Variants in KIF18B observed in about 807,000 individuals in gnomAD.
The protein encoded by KIF18B is kinesin-like protein KIF18B.
In KIF18B, 49 loss-of-function variants were observed where a neutral mutation model predicts 80.9. The observed-to-expected ratio is 0.61, with a 90% CI of 0.48 to 0.77. The LOEUF is 0.77. Ranked by LOEUF, KIF18B falls within the 30% of genes least tolerant of loss-of-function variation. The probability of loss-of-function intolerance (pLI) is 0.00; values close to 1 mark genes in which losing one functional copy is unlikely to be tolerated. For missense variants in KIF18B, 994 were observed against 1,127.7 expected (o/e 0.88, Z 1.70); for synonymous variants, 439 against 463.9 (o/e 0.95, Z 0.69).
Position 44,934,376 on chromosome 17 carries a change from C to A in KIF18B, c.742G>T (p.Ala248Ser), listed in dbSNP as rs758992517. 1 of 1,606,956 alleles carries A rather than the reference C, an allele frequency of 6.2e-7. No homozygotes were observed. The highest frequency in any genetic ancestry group is 8.5e-7 in the Non-Finnish European group (1 of 1,176,596). Residue 248 changes from alanine (A) to serine (S), a missense_variant, in exon 6 of 16, where the codon GCC (alanine) becomes TCC (serine). Physicochemically the swap from Ala to Ser is moderately conservative, Grantham distance 99. Coordinates refer to ENST00000593135, the MANE Select transcript of KIF18B (RefSeq NM_001265577.2). This position sits in a 1 kb window ranked among gnomAD's most constrained non-coding sequence, Gnocchi z 5.4. ...GCCAGGTCAATCAGGCTCATCTTGGCCACCTGGACAGCCTGGGTCAGTCCT... is the reference window on the plus strand; with the variant it reads ...GCCAGGTCAATCAGGCTCATCTTGGACACCTGGACAGCCTGGGTCAGTCCT... The part of the protein sequence containing the change: ...VPGLTQAVQV[A>S]KMSLIDLAGS...
At chr17:44,930,259 G>A (rs973519572) in intron 11 of KIF18B, among the ~76,000 whole-genome samples, 2 of 152,234 alleles carry the variant, frequency 1.3e-5, no homozygotes, top group Non-Finnish European at 2.9e-5. Context: ...CGTCCCTCTT[G>A]CTATGTGAGC....
At position 44,935,330 on chromosome 17, in the gene KIF18B, C is replaced by A. The variant is rs200381833; in HGVS notation, c.400G>T (p.Val134Leu). Residue 134 changes from valine to leucine, a missense_variant, in exon 3 of 16, where the codon GTG becomes TTG. Transcript: ENST00000593135. ...GCCTCCAGGCGCCTGTACAGTTCCA[C>A]GGTGGTCAGGTACATGATGCCGGGG... ...GDPGIMYLTT[V>L]ELYRRLEARQ... is the part of the protein sequence containing the mutation. The A allele has an allele frequency of 2.5e-6, 4 of 1,613,390 alleles. No homozygotes were observed. The African/African-American group carries it at 4.0e-5, about 16-fold the overall frequency.
chr17:44,932,498 A>ACACAGC (rs2052178400), intron 9 of KIF18B, 175 bp downstream of exon 9: 2 of 605,456 alleles, frequency 3.3e-6, no homozygotes, highest in African/African-American at 1.8e-5. Flanking sequence ...TACTCATTGG[A>ACACAGC]CACAGCACTC....
intron 1 of KIF18B, among the ~76,000 whole-genome samples, chr17:44,947,113 C>CAAAAAAAAAAAAAAA (rs57955845): frequency 3.5e-4 from 19 of 54,008 alleles, no homozygotes; most frequent in African/African-American, 7.1e-4. Flanking sequence ...ACTCCATCTC[C>CAAAAAAAAAAAAAAA]AAAAAAAAAA....
Position 44,932,135 on chromosome 17 carries a change from T to C in KIF18B, c.1310A>G (p.Gln437Arg). The C allele has an allele frequency of 6.2e-7, 1 of 1,613,804 alleles. No individual in the cohort carries two copies. Among genetic ancestry groups the C allele is most frequent in the Non-Finnish European group, 8.5e-7 (1 of 1,179,828 alleles). ...GTTCCCTTCCATGGCCCTCTCCACC[T>C]GGGCCTCCATCCCCAGACTCTCCTC... ...LQEESLGMEA[Q>R]VERAMEGNSS... The change falls in exon 10 of 16, where the codon CAG becomes CGG. Residue 437 changes from glutamine to arginine, a missense_variant. Coordinates refer to ENST00000593135, the MANE Select transcript of KIF18B (RefSeq NM_001265577.2).
intron 1 of KIF18B, among the ~76,000 whole-genome samples, chr17:44,941,558 C>G (rs537852020): frequency 5.8e-4 from 89 of 152,202 alleles, no homozygotes; most frequent in Admixed American, 1.2e-3. Context: ...AGGCTGGTCT[C>G]GCACCCCTGA....
At position 44,928,530 on chromosome 17, in the gene KIF18B, GGGCCA is replaced by G; in HGVS notation, c.1767_1771del (p.Gly590CysfsTer74). The G allele has an allele frequency of 2.7e-6, 4 of 1,472,616 alleles. No individual in the cohort carries two copies. The highest frequency in any genetic ancestry group is 3.6e-6 in the Non-Finnish European group (4 of 1,117,818). 91.2% of individuals were successfully genotyped at this position (1,472,616 alleles called of 1,614,324 possible). On this transcript the variant is annotated frameshift_variant, in exon 13 of 16. Coordinates refer to ENST00000593135, the MANE Select transcript of KIF18B (RefSeq NM_001265577.2). LOFTEE classifies it high-confidence loss of function. ...TCGCCTCGCCATAGTCCGGGTCACA[GGGCCA>G]GTGTATCCTGGAGGCTCTGGGCAGA...
Position 44,933,909 on chromosome 17 carries a change from T to C in KIF18B, c.1062+14A>G. 1 of 1,546,290 alleles carries C rather than the reference T, an allele frequency of 6.5e-7. No homozygotes were observed. Among genetic ancestry groups the C allele is most frequent in the South Asian group, 1.2e-5 (1 of 84,226 alleles). On this transcript the variant is annotated intron_variant, in intron 7 of 15. Coordinates refer to ENST00000593135, the MANE Select transcript of KIF18B (RefSeq NM_001265577.2). ...AGCTGCCCCACGCCCAAGCCGGCCC[T>C]GGCTGGCACGCACCGAGAGCCTGAT...
In KIF18B at chr17:44,935,364, CCTTCCCAGCATGGTGTGTGT is replaced by C. The variant is rs2052263145; in HGVS notation, c.346_365del (p.Thr116GlyfsTer38). 6.2e-7 allele frequency: 1 copy of C among 1,613,360 alleles called. No homozygotes were observed. The highest frequency in any genetic ancestry group is 8.5e-7 in the Non-Finnish European group (1 of 1,179,540). ...GGTACATGATGCCGGGGTCCCCCTCCCTTCCCAGCATGGTGTGTGTCTTCCCAGCCCCGGTGGCCCCGTAG... is the reference window on the plus strand; with the variant it reads ...GGTACATGATGCCGGGGTCCCCCTCCCTTCCCAGCCCCGGTGGCCCCGTAG... On this transcript the variant is annotated frameshift_variant, in exon 3 of 16. Transcript: ENST00000593135. LOFTEE classifies it high-confidence loss of function.
chr17:44,927,175 G>A lies in KIF18B; in HGVS notation c.2277-97C>T. 2 of 872,656 alleles carry A rather than the reference G, an allele frequency of 2.3e-6. No homozygotes were observed. Among genetic ancestry groups the A allele is most frequent in the Non-Finnish European group, 3.5e-6 (2 of 568,516 alleles). The allele number at this position is 872,656 out of a possible 1,614,324, so 54.1% of individuals were successfully genotyped here. ...CAGCCCCCAGCTCGGGCATGGGGGA[G>A]GGTGGTTGGACAAGATGACCTCTGA... On this transcript the variant is annotated intron_variant, in intron 13 of 15. Coordinates refer to ENST00000593135, the MANE Select transcript of KIF18B (RefSeq NM_001265577.2). This position sits in a 1 kb window ranked among gnomAD's most constrained non-coding sequence, Gnocchi z 4.1.
chr17:44,934,834 G>A lies in KIF18B; in HGVS notation c.573C>T (p.His191=). ...CTACCCGAGCCCAATCCCACACCTGGTGGAAAGAAAGTCCTTGCACCACCA... is the reference window on the plus strand; with the variant it reads ...CTACCCGAGCCCAATCCCACACCTGATGGAAAGAAAGTCCTTGCACCACCA... ...KGVVVQGLSF[H]QPASAEQLLE... Residue 191 remains histidine (H), a synonymous_variant, in exon 4 of 16, where the codon CAC becomes CAT. Transcript: ENST00000593135. The surrounding 1 kb of genome is among the most constrained non-coding windows in gnomAD (Gnocchi z 5.4). The A allele has an allele frequency of 1.3e-6, 2 of 1,545,388 alleles. No homozygotes were observed. The highest frequency in any genetic ancestry group is 2.0e-5 in the Admixed American group (1 of 50,744).
chr17:44,946,084 G>A (rs1835210786), intron 1 of KIF18B, among the ~76,000 whole-genome samples: 2 of 151,446 alleles, frequency 1.3e-5, no homozygotes, highest in Non-Finnish European at 2.9e-5. Flanking sequence ...AATTGTAAAT[G>A]TGGTATTTAT....
At chr17:44,942,853 A>G (rs2052444760) in intron 1 of KIF18B, among the ~76,000 whole-genome samples, 3 of 152,246 alleles carry the variant, frequency 2.0e-5, no homozygotes, top group African/African-American at 7.2e-5. Context: ...TTTCACAACA[A>G]TTGTCATATC....
Position 44,934,963 on chromosome 17 carries a change from G to T in KIF18B, c.472-28C>A. ...GAGAAAGGAAGAAAGGAAGAGGCCT[G>T]AGGGAGAGCGGCCCATCAGGAAACC... On this transcript the variant is annotated intron_variant, in intron 3 of 15. Transcript: ENST00000593135. This position sits in a 1 kb window ranked among gnomAD's most constrained non-coding sequence, Gnocchi z 5.4. The T allele has an allele frequency of 6.9e-7, 1 of 1,454,752 alleles. No homozygotes were observed. Among genetic ancestry groups the T allele is most frequent in the Non-Finnish European group, 9.4e-7 (1 of 1,067,798 alleles). 90.1% of individuals were successfully genotyped at this position (1,454,752 alleles called of 1,614,324 possible).
chr17:44,940,502 C>T (rs143429133), intron 1 of KIF18B, among the ~76,000 whole-genome samples: 17 of 152,234 alleles, frequency 1.1e-4, no homozygotes, highest in African/African-American at 3.6e-4. Flanking sequence ...GACCTCTCTC[C>T]CTGGTTTTTC....
rs780618758 is a variant in KIF18B at position 44,934,935 on chromosome 17, C to A, written c.472G>T (p.Val158Leu). Reference sequence around the variant, plus strand: ...AGGTCATGGATCTGTTCATTATACACCTGAGAAAGGAAGAAAGGAAGAGGC... The same window carrying A: ...AGGTCATGGATCTGTTCATTATACAACTGAGAAAGGAAGAAAGGAAGAGGC... ...HFEVLISYQE[V>L]YNEQIHDLLE... The change falls in exon 4 of 16, where the codon GTG becomes TTG. Residue 158 changes from valine to leucine, a missense_variant and splice_region_variant. Val to Leu is a conservative substitution (Grantham distance 32). Transcript: ENST00000593135. The surrounding 1 kb of genome is among the most constrained non-coding windows in gnomAD (Gnocchi z 5.4). The A allele has an allele frequency of 2.0e-6, 3 of 1,527,372 alleles. No individual in the cohort carries two copies. Among genetic ancestry groups the A allele is most frequent in the Non-Finnish European group, 8.9e-7 (1 of 1,127,692 alleles). The allele number at this position is 1,527,372 out of a possible 1,614,324, so 94.6% of individuals were successfully genotyped here.
At chr17:44,936,622 ATATTTTTTTTTTTTTTTTTTT>A (rs1400197062) in intron 1 of KIF18B, among the ~76,000 whole-genome samples, 2 of 43,848 alleles carry the variant, frequency 4.6e-5, no homozygotes, top group African/African-American at 1.0e-4. Flanking sequence ...ATATATATAT[ATATTTTTTTTTTTTTTTTTTT>A]TTTTTTTTTT....
chr17:44,939,779 C>T (rs2052381509), intron 1 of KIF18B, among the ~76,000 whole-genome samples: 1 of 152,070 alleles, frequency 6.6e-6, no homozygotes, highest in African/African-American at 2.4e-5. Flanking sequence ...CTAGTTATTA[C>T]ATGATCTTTG....
At chr17:44,938,205 G>A (rs576392614) in intron 1 of KIF18B, among the ~76,000 whole-genome samples, 20 of 152,174 alleles carry the variant, frequency 1.3e-4, no homozygotes, top group South Asian at 1.2e-3. Flanking sequence ...TAGTAGAGAC[G>A]GGGTTTTGCC....
Sources: allele counts gnomAD v4.1 joint callset (sites outside exome capture counted in the v4.1 genomes callset), GRCh38; gene constraint gnomAD v4.1.1; non-coding constraint Gnocchi (gnomAD v3.1); transcripts MANE v1.5; gene names NCBI Gene and HGNC (gene_info 2026-07-23, HGNC 2026-07-21).